Variants in BRD1 observed in about 807,000 individuals in gnomAD.
BRD1 encodes the protein bromodomain containing 1, also known as bromodomain-containing protein 1.
In BRD1, 24 loss-of-function variants were observed where a neutral mutation model predicts 107.7. The ratio of observed to expected loss-of-function variants is 0.22; its 90% CI spans 0.16 to 0.31. The LOEUF is 0.31. Among genes scored for constraint, BRD1 ranks in the 10% least tolerant of loss-of-function variants. BRD1 has a pLI of 1.00. For missense variants in BRD1, 1,279 were observed against 1,638.6 expected, an observed-to-expected ratio of 0.78 and a Z score of 3.79; for synonymous variants, 744 against 686.1, an observed-to-expected ratio of 1.08 and a Z score of -1.32.
chr22:49,784,075 C>T (rs938980943), intron 8 of BRD1, among the ~76,000 whole-genome samples: 3 of 152,306 alleles, frequency 2.0e-5, no homozygotes, highest in African/African-American at 7.2e-5. Context: ...GACACCCCCG[C>T]GCTCTCACGC....
intron 2 of BRD1, among the ~76,000 whole-genome samples, chr22:49,818,609 C>CG (rs2060001829): frequency 6.6e-6 from 1 of 152,146 alleles, no homozygotes; most frequent in Admixed American, 6.5e-5. Flanking sequence ...TCCTCCTGGC[C>CG]GGGCTCGGTG....
chr22:49,787,417 C>G lies in BRD1; in HGVS notation c.2830G>C (p.Glu944Gln). 1 of 1,613,704 alleles carries G rather than the reference C, an allele frequency of 6.2e-7. No individual in the cohort carries two copies. Among genetic ancestry groups the G allele is most frequent in the Non-Finnish European group, 8.5e-7 (1 of 1,179,900 alleles). ...GCGTCCAGGCGCTTTCCTGGGGACT[C>G]CTCCTCCACCTCGGAGTCTCCGCAT... ...STCGDSEVEE[E>Q]SPGKRLDAGL... Residue 944 changes from glutamate (E) to glutamine (Q), a missense_variant, in exon 8 of 13, where the codon GAG (glutamate) becomes CAG (glutamine). By Grantham distance (29) the Glu-to-Gln change is conservative. Transcript: ENST00000404760.
chr22:49,804,725 C>T (rs902414895), intron 2 of BRD1, among the ~76,000 whole-genome samples: 1 of 152,096 alleles, frequency 6.6e-6, no homozygotes, highest in Non-Finnish European at 1.5e-5. Flanking sequence ...GAGGTACATG[C>T]GTGTAGTCCC....
At chr22:49,806,233 A>G (rs2059741749) in intron 2 of BRD1, 1 of 152,228 alleles carries the variant, frequency 6.6e-6, no homozygotes, top group Non-Finnish European at 1.5e-5. Context: ...CTGACCCATG[A>G]GATGTGAGAA....
In BRD1 at chr22:49,827,858, G is replaced by A. The variant is rs2060163540; in HGVS notation, c.-376C>T. Among the ~76,000 whole-genome samples, 1 of 142,104 alleles carries A rather than the reference G, an allele frequency of 7.0e-6. No individual in the cohort carries two copies. The highest frequency in any genetic ancestry group is 2.5e-4 in the South Asian group (1 of 4,056). The allele number at this position is 142,104 out of a possible 152,430, so 93.2% of individuals were successfully genotyped here. A position where few individuals can be genotyped will look rare whatever the true frequency, so the allele number is the denominator to read the frequency against. ...GGCCGGGTCGCTCGCTCGCTCCCCA[G>A]CGAAGCAAACAATGCGGCGAGCGCT... On this transcript the variant is annotated 5_prime_UTR_variant, in exon 1 of 13. Coordinates refer to ENST00000404760, the MANE Select transcript of BRD1 (RefSeq NM_001304808.3).
In BRD1 at chr22:49,777,702, C is replaced by G. The variant is rs745394429; in HGVS notation, c.2969G>C (p.Ser990Thr). The G allele has an allele frequency of 5.6e-6, 9 of 1,608,212 alleles. No individual in the cohort carries two copies. Among genetic ancestry groups the G allele is most frequent in the Non-Finnish European group, 4.2e-6 (5 of 1,178,404 alleles). ...CCTCGAGTCGCAGAGCGGGCTGTTG[C>G]TGGAGGAGATGCTGGACTCGGAGGC... is the stretch of plus-strand genomic sequence containing the variant. ...RCASESSISS[S>T]NSPLCDSSFN... Residue 990 changes from serine (S) to threonine (T), a missense_variant, in exon 9 of 13, where the codon AGC (serine) becomes ACC (threonine). Ser to Thr is a moderately conservative substitution (Grantham distance 58). Transcript: ENST00000404760.
intron 2 of BRD1, among the ~76,000 whole-genome samples, chr22:49,813,278 G>C (rs2059887437): frequency 1.3e-5 from 2 of 152,084 alleles, no homozygotes; most frequent in Non-Finnish European, 2.9e-5. Context: ...CTGGAGTGCA[G>C]TGGCATGATC....
chr22:49,799,130 T>C lies in BRD1; in HGVS notation c.1525-11A>G. 6.2e-7 allele frequency: 1 copy of C among 1,603,126 alleles called. No homozygotes were observed. Among genetic ancestry groups the C allele is most frequent in the Non-Finnish European group, 8.5e-7 (1 of 1,178,454 alleles). ...CTCATCATTTTCTCTCTGAGAACAG[T>C]GAACACTTCCGTCAGTCAAACCCAG... On this transcript the variant is annotated splice_polypyrimidine_tract_variant and intron_variant, in intron 3 of 12. Transcript: ENST00000404760.
chr22:49,816,131 T>G (rs4361219), intron 2 of BRD1, among the ~76,000 whole-genome samples: 13 of 152,188 alleles, frequency 8.5e-5, no homozygotes, highest in African/African-American at 2.9e-4. Context: ...CCATGCCAGA[T>G]ACAAACTTTT....
Position 49,794,015 on chromosome 22 carries a change from A to G in BRD1, c.2359+19T>C. ...AGCCGTGACGGCAAGAAAGCGGGGC[A>G]GCCCTCACCGTGGCTTACCTTCCTC... On this transcript the variant is annotated intron_variant, in intron 7 of 12. Transcript: ENST00000404760. The G allele has an allele frequency of 6.2e-7, 1 of 1,603,834 alleles. No individual in the cohort carries two copies. Among genetic ancestry groups the G allele is most frequent in the Non-Finnish European group, 8.5e-7 (1 of 1,175,144 alleles).
Position 49,799,054 on chromosome 22 carries a change from G to A in BRD1, c.1590C>T (p.His530=), listed in dbSNP as rs142998918. The change falls in exon 4 of 13, where the codon CAC becomes CAT. Residue 530 remains histidine, a synonymous_variant. Transcript: ENST00000404760. ...EKLKYWQRLR[H]DLERARLLIE... ...TCAGCAGGCGAGCGCGCTCCAGGTC[G>A]TGCCGCAGCCGCTGCCAGTACTTCA... is the stretch of plus-strand genomic sequence containing the variant. 1.4e-5 allele frequency: 23 copies of A among 1,611,218 alleles called. No homozygotes were observed. Among genetic ancestry groups the A allele is most frequent in the East Asian group, 4.5e-5 (2 of 44,890 alleles).
chr22:49,776,540 C>T (rs2059102865), intron 10 of BRD1, among the ~76,000 whole-genome samples: 1 of 152,234 alleles, frequency 6.6e-6, no homozygotes, highest in Admixed American at 6.5e-5. Flanking sequence ...TCCTGGCTCC[C>T]CCTCCGCCAG....
At chr22:49,793,173 A>G (rs1441361768) in intron 7 of BRD1, among the ~76,000 whole-genome samples, 1 of 152,232 alleles carries the variant, frequency 6.6e-6, no homozygotes, top group East Asian at 1.9e-4. Context: ...GACACACGGC[A>G]AAACACAGTG....
At chr22:49,804,435 T>C in intron 2 of BRD1, 75 bp from the exon 3 acceptor site, 2 of 1,467,212 alleles carry the variant, frequency 1.4e-6, no homozygotes, top group Admixed American at 2.1e-5. Context: ...GAAATGACAG[T>C]ACTACTGCTA....
At chr22:49,776,289 C>A (rs1285487648) in intron 10 of BRD1, 130 bp from the exon 11 acceptor site, 1 of 754,090 alleles carries the variant, frequency 1.3e-6, no homozygotes, top group Non-Finnish European at 2.2e-6. Flanking sequence ...TTCTCAGCCA[C>A]CCCGGCAGCA....
chr22:49,818,222 CT>C, intron 2 of BRD1: 1 of 1,190,670 alleles, frequency 8.4e-7, no homozygotes. Flanking sequence ...AAAGCCTTGC[CT>C]ATCTGAGGTT....
Position 49,804,190 on chromosome 22 carries a change from C to T in BRD1, c.1524+14G>A. 1 of 1,559,734 alleles carries T rather than the reference C, an allele frequency of 6.4e-7. No homozygotes were observed. Among genetic ancestry groups the T allele is most frequent in the Non-Finnish European group, 8.7e-7 (1 of 1,151,740 alleles). On this transcript the variant is annotated intron_variant, in intron 3 of 12. Coordinates refer to ENST00000404760, the MANE Select transcript of BRD1 (RefSeq NM_001304808.3). ...AGAGACGCAGAAAGGCTGTGGGGGC[C>T]ACGAGCCACGTACCTGCTGTGAGCT...
intron 8 of BRD1, 116 bp downstream of exon 8, chr22:49,787,274 A>C: frequency 2.3e-6 from 3 of 1,303,820 alleles, no homozygotes; most frequent in Non-Finnish European, 3.1e-6. Flanking sequence ...AAATTAAGAG[A>C]ATGCTGCAAA....
At position 49,796,081 on chromosome 22, in the gene BRD1, T is replaced by G. The variant is rs1192174534; in HGVS notation, c.2098+1724A>C. Among the ~76,000 whole-genome samples, 3 of 147,506 alleles carry G rather than the reference T, an allele frequency of 2.0e-5. No individual in the cohort carries two copies. The East Asian group carries it at 5.8e-4, about 28-fold the overall frequency. ...ATCAGAGACAAAGAATAAAAATATA[T>G]TTCCATTGTGTTTTCTTTTTTTTTT... On this transcript the variant is annotated intron_variant, in intron 6 of 12. Transcript: ENST00000404760.
Sources: gnomAD v4.1 joint callset for allele counts (sites outside exome capture counted in the v4.1 genomes callset) on GRCh38, gnomAD v4.1.1 for gene constraint, MANE v1.5 for transcripts, NCBI Gene and HGNC (gene_info 2026-07-23, HGNC 2026-07-21) for gene names.